The following LGI1 variants were observed in gnomAD, a reference collection of about 807,000 sequenced individuals.
The protein encoded by LGI1 is leucine rich glioma inactivated 1.
LGI1 carries 11 observed loss-of-function variants against 57.7 expected under a neutral mutation model. The observed-to-expected ratio is 0.19, with a 90% CI of 0.12 to 0.32. The LOEUF is 0.32. LGI1 is among the 10% of genes least tolerant of loss of function. LGI1 has a pLI of 1.00. For synonymous variants in LGI1, 222 were observed against 241.9 expected, an observed-to-expected ratio of 0.92 and a Z score of 0.76; for missense variants, 422 against 661.9, an observed-to-expected ratio of 0.64 and a Z score of 3.98.
intron 7 of LGI1, among the ~76,000 whole-genome samples, chr10:93,795,735 G>A (rs538364530): frequency 6.6e-6 from 1 of 152,282 alleles, no homozygotes; most frequent in East Asian, 1.9e-4. Context: ...CACACGCAAT[G>A]AGCCAATCAG....
intron 7 of LGI1, chr10:93,794,252 CATG>C (rs1169774381): frequency 6.6e-6 from 1 of 151,826 alleles, no homozygotes; most frequent in Non-Finnish European, 1.5e-5. Flanking sequence ...CTCCTGACCT[CATG>C]ATCCGCCCAC....
chr10:93,763,546 A>C (rs2059645121), intron 2 of LGI1: 1 of 152,116 alleles, frequency 6.6e-6, no homozygotes, highest in Non-Finnish European at 1.5e-5. Flanking sequence ...TTTTGTGCTG[A>C]AGACTCCTGT....
chr10:93,787,589 T>G (rs200628956), intron 4 of LGI1, among the ~76,000 whole-genome samples: 44 of 152,274 alleles, frequency 2.9e-4, no homozygotes, highest in African/African-American at 1.0e-3. Flanking sequence ...GGGCAGGAAG[T>G]AGAACTTCCA....
chr10:93,784,480 G>A (rs1227141420), intron 4 of LGI1, among the ~76,000 whole-genome samples: 1 of 152,178 alleles, frequency 6.6e-6, no homozygotes, highest in Non-Finnish European at 1.5e-5. Context: ...CTCAAACTCA[G>A]ATATCCACTT....
Position 93,782,612 on chromosome 10 carries a change from C to T in LGI1, c.431+4995C>T, listed in dbSNP as rs147789317. On this transcript the variant is annotated intron_variant, in intron 4 of 7. Transcript: ENST00000371418. ...AGGGCCTGGTATGTAGTAAGCACCA[C>T]TGTGTAGGAAAAAACTAAAACTCAC... The T allele has an allele frequency of 4.6e-5, 7 of 152,334 alleles. No individual in the cohort carries two copies. In the East Asian group the frequency reaches 9.6e-4, roughly 21 times the overall value. The allele number at this position is 152,334 out of a possible 1,614,324, so 9.4% of individuals were successfully genotyped here.
At chr10:93,795,074 C>T (rs535848973) in intron 7 of LGI1, among the ~76,000 whole-genome samples, 9 of 152,236 alleles carry the variant, frequency 5.9e-5, no homozygotes, top group Non-Finnish European at 7.4e-5. Context: ...GGGTTTTGTG[C>T]GGTCGAAACC....
chr10:93,771,673 T>G (rs1373536275), intron 2 of LGI1: 1 of 152,184 alleles, frequency 6.6e-6, no homozygotes, highest in Non-Finnish European at 1.5e-5. Context: ...TTTATAATTT[T>G]TTTAAAAAAG....
At chr10:93,781,650 AAT>A (rs1221903255) in intron 4 of LGI1, among the ~76,000 whole-genome samples, 1 of 152,166 alleles carries the variant, frequency 6.6e-6, no homozygotes, top group East Asian at 1.9e-4. Flanking sequence ...TTTTCTGATG[AAT>A]ATATGTTATT....
At chr10:93,783,539 A>T (rs1323725930) in intron 4 of LGI1, among the ~76,000 whole-genome samples, 2 of 151,982 alleles carry the variant, frequency 1.3e-5, no homozygotes. Flanking sequence ...GTCCTTCCTG[A>T]GGTGGGGGTC....
In LGI1 at chr10:93,790,404, TG is replaced by T. The variant is rs1487501781; in HGVS notation, c.503+235del. The stretch of plus-strand genomic sequence containing the variant: ...GCACCCAGGCATTCCTTTGACAAAG[TG>T]TGTGTCAATACGGCAGGGAGCGATG... On this transcript the variant is annotated intron_variant, in intron 5 of 7. Transcript: ENST00000371418. 6 of 533,362 alleles carry T rather than the reference TG, an allele frequency of 1.1e-5. No homozygotes were observed. In the East Asian group the frequency reaches 1.9e-4, roughly 17 times the overall value. 33.0% of individuals were successfully genotyped at this position (533,362 alleles called of 1,614,324 possible). A position where few individuals can be genotyped will look rare whatever the true frequency, so the allele number is the denominator to read the frequency against.
At chr10:93,792,380 C>A in intron 5 of LGI1, 1 of 229,938 alleles carries the variant, frequency 4.3e-6, no homozygotes, top group Non-Finnish European at 8.7e-6. Flanking sequence ...TTAAATAAAA[C>A]ATATTATTAA....
At chr10:93,762,705 C>G (rs1467551906) in intron 2 of LGI1, 2 of 152,070 alleles carry the variant, frequency 1.3e-5, no homozygotes, top group Non-Finnish European at 2.9e-5. Flanking sequence ...TACAGTTTGC[C>G]CAATGATCCA....
Position 93,758,023 on chromosome 10 carries a change from A to C in LGI1, c.-122A>C. 1.2e-6 allele frequency: 1 copy of C among 864,688 alleles called. No individual in the cohort carries two copies. The highest frequency in any genetic ancestry group is 1.9e-6 in the Non-Finnish European group (1 of 523,264). The allele number at this position is 864,688 out of a possible 1,614,324, so 53.6% of individuals were successfully genotyped here. On this transcript the variant is annotated 5_prime_UTR_variant, in exon 1 of 8. Transcript: ENST00000371418. The surrounding 1 kb of genome is among the most constrained non-coding windows in gnomAD (Gnocchi z 4.7). Reference sequence around the variant, plus strand: ...ATCAGCTGCAGGTCTCTGTTTTGAAAAAGCAGAGATACAGAGGCAGAGGAA... The same window carrying C: ...ATCAGCTGCAGGTCTCTGTTTTGAACAAGCAGAGATACAGAGGCAGAGGAA...
At chr10:93,794,724 A>G (rs894845053) in intron 7 of LGI1, 1 of 152,192 alleles carries the variant, frequency 6.6e-6, no homozygotes, top group African/African-American at 2.4e-5. Context: ...ATTATAAGTC[A>G]TAAGTTAGAA....
At position 93,768,990 on chromosome 10, in the gene LGI1, T is replaced by A. The variant is rs1283068441; in HGVS notation, c.288-8389T>A. On this transcript the variant is annotated intron_variant, in intron 2 of 7. Coordinates refer to ENST00000371418, the MANE Select transcript of LGI1 (RefSeq NM_005097.4). ...AGTCAAAAAGAACTGTCAAATAATG[T>A]ACTTGTGTGTGATGCTTCCAATTTT... 2.0e-5 allele frequency: 3 copies of A among 152,360 alleles called. No individual in the cohort carries two copies. The East Asian group carries it at 5.8e-4, about 29-fold the overall frequency. The allele number at this position is 152,360 out of a possible 1,614,324, so 9.4% of individuals were successfully genotyped here.
chr10:93,782,631 AACTC>A (rs1200754388), intron 4 of LGI1: 2 of 152,264 alleles, frequency 1.3e-5, no homozygotes, highest in Non-Finnish European at 2.9e-5. Context: ...AAAAAACTAA[AACTC>A]ACTGCATAAC....
chr10:93,795,668 T>C (rs2059974174), intron 7 of LGI1, among the ~76,000 whole-genome samples: 1 of 152,190 alleles, frequency 6.6e-6, no homozygotes, highest in Non-Finnish European at 1.5e-5. Context: ...TGGGAATCTT[T>C]CATGTAGAGT....
At chr10:93,796,163 C>A (rs924817541) in intron 7 of LGI1, among the ~76,000 whole-genome samples, 9 of 152,256 alleles carry the variant, frequency 5.9e-5, no homozygotes, top group Admixed American at 1.3e-4. Flanking sequence ...TGGCTGCACC[C>A]TTCTTTCGAT....
rs2059946277 is a variant in LGI1 at position 93,792,621 on chromosome 10, G to C, written c.504-122G>C. 3.0e-6 allele frequency: 3 copies of C among 987,252 alleles called. No individual in the cohort carries two copies. The Admixed American group carries it at 5.2e-5, about 17-fold the overall frequency. The allele number at this position is 987,252 out of a possible 1,614,324, so 61.2% of individuals were successfully genotyped here. On this transcript the variant is annotated intron_variant, in intron 5 of 7. Coordinates refer to ENST00000371418, the MANE Select transcript of LGI1 (RefSeq NM_005097.4). ...GAGTGGTCAGTCAGGTTCCAGGCAG[G>C]TTATAGGGCAGGATGCAACGCCGGG...
Sources: allele counts gnomAD v4.1 joint callset (sites outside exome capture counted in the v4.1 genomes callset), GRCh38; gene constraint gnomAD v4.1.1; non-coding constraint Gnocchi (gnomAD v3.1); transcripts MANE v1.5; gene names NCBI Gene and HGNC (gene_info 2026-07-23, HGNC 2026-07-21).